Variants in THSD7B observed in about 807,000 individuals in gnomAD.
THSD7B encodes the protein thrombospondin type 1 domain containing 7B, also known as thrombospondin type-1 domain-containing protein 7B.
THSD7B carries 138 observed loss-of-function variants against 213.6 expected under a neutral mutation model. That is an observed-to-expected ratio of 0.65 (90% confidence interval 0.56 to 0.74). THSD7B has a LOEUF of 0.74. Among genes scored for constraint, THSD7B ranks in the 30% least tolerant of loss-of-function variants. The pLI is 0.00. For missense variants in THSD7B, 1,931 were observed against 1,991.5 expected (o/e 0.97, Z 0.58); for synonymous variants, 742 against 687.0 (o/e 1.08, Z -1.25).
At chr2:137,424,941 A>G (rs12992324) in intron 14 of THSD7B, among the ~76,000 whole-genome samples, 99,875 of 151,234 alleles carry the variant, frequency 0.66, 33,872 homozygotes, top group East Asian at 0.84. Flanking sequence ...GCATGGTGGC[A>G]GTCACCTGTA....
intron 15 of THSD7B, among the ~76,000 whole-genome samples, chr2:137,480,054 G>A (rs995638713): frequency 1.3e-5 from 2 of 152,198 alleles, no homozygotes; most frequent in East Asian, 1.9e-4. Context: ...GGCACCCAAC[G>A]AAGTTTGGCT....
At chr2:136,792,167 A>G (rs1235731102) in intron 1 of THSD7B, among the ~76,000 whole-genome samples, 1 of 152,010 alleles carries the variant, frequency 6.6e-6, no homozygotes, top group African/African-American at 2.4e-5. Context: ...AAATTCCTGG[A>G]TTCAATCCAA....
chr2:137,472,541 T>C (rs1244881224), intron 15 of THSD7B, among the ~76,000 whole-genome samples: 1 of 152,238 alleles, frequency 6.6e-6, no homozygotes, highest in Non-Finnish European at 1.5e-5. Flanking sequence ...ACGTCTTTGA[T>C]ATCTGACTTC....
intron 7 of THSD7B, among the ~76,000 whole-genome samples, chr2:137,218,417 ATCTT>A (rs1229495462): frequency 9.2e-5 from 14 of 152,256 alleles, no homozygotes; most frequent in African/African-American, 2.9e-4. Context: ...ATTTAAATAT[ATCTT>A]AAGTGAAAGT....
chr2:137,099,628 C>T (rs1284401625), intron 4 of THSD7B, among the ~76,000 whole-genome samples: 1 of 152,180 alleles, frequency 6.6e-6, no homozygotes, highest in Non-Finnish European at 1.5e-5. Flanking sequence ...TACGACCCCA[C>T]TGGGAGACAA....
chr2:137,392,647 G>T (rs1222551586), intron 12 of THSD7B, among the ~76,000 whole-genome samples: 2 of 152,000 alleles, frequency 1.3e-5, no homozygotes, highest in Non-Finnish European at 1.5e-5. Flanking sequence ...TAGAGAGAAA[G>T]TTAGTTTTTT....
At chr2:137,327,533 C>T (rs1684398918) in intron 12 of THSD7B, among the ~76,000 whole-genome samples, 3 of 152,012 alleles carry the variant, frequency 2.0e-5, no homozygotes, top group African/African-American at 7.3e-5. Context: ...TTCCCATTTA[C>T]TCTTTTCTTT....
chr2:137,070,772 C>A (rs992628605), intron 3 of THSD7B, among the ~76,000 whole-genome samples: 1 of 151,518 alleles, frequency 6.6e-6, no homozygotes, highest in Non-Finnish European at 1.5e-5. Flanking sequence ...TGCATGTGTT[C>A]TCATTGTTCA....
chr2:136,914,323 GA>G (rs1288985474), intron 2 of THSD7B, among the ~76,000 whole-genome samples: 3 of 152,324 alleles, frequency 2.0e-5, no homozygotes, highest in South Asian at 2.1e-4. Flanking sequence ...CTCATAGGCA[GA>G]AGTGACTTGT....
chr2:136,949,408 C>T (rs1279936219), intron 2 of THSD7B, among the ~76,000 whole-genome samples: 2 of 152,166 alleles, frequency 1.3e-5, no homozygotes, highest in African/African-American at 4.8e-5. Context: ...AAGAAAACTC[C>T]AGATGAAATG....
intron 5 of THSD7B, among the ~76,000 whole-genome samples, chr2:137,125,515 C>T (rs1688616100): frequency 6.6e-6 from 1 of 152,166 alleles, no homozygotes; most frequent in African/African-American, 2.4e-5. Flanking sequence ...AATTCTAGTT[C>T]TCTTGCTATT....
At chr2:137,361,258 A>G (rs959276193) in intron 12 of THSD7B, among the ~76,000 whole-genome samples, 1 of 152,176 alleles carries the variant, frequency 6.6e-6, no homozygotes, top group Non-Finnish European at 1.5e-5. Flanking sequence ...GGTAGATAAA[A>G]CCACAAAGAT....
chr2:136,789,208 G>A (rs1009856885), intron 1 of THSD7B, among the ~76,000 whole-genome samples: 1 of 151,898 alleles, frequency 6.6e-6, no homozygotes, highest in Non-Finnish European at 1.5e-5. Context: ...ACTGCTTCCA[G>A]GCCATTTCTT....
At chr2:137,063,007 T>G (rs901289538) in intron 3 of THSD7B, among the ~76,000 whole-genome samples, 2 of 151,902 alleles carry the variant, frequency 1.3e-5, no homozygotes, top group Non-Finnish European at 2.9e-5. Context: ...TATTAATGAC[T>G]GCTATATCTT....
At chr2:137,608,299 C>G (rs1332197525) in intron 17 of THSD7B, among the ~76,000 whole-genome samples, 2 of 151,970 alleles carry the variant, frequency 1.3e-5, no homozygotes, top group East Asian at 3.9e-4. Context: ...TCTCTAATTA[C>G]CATTGTCCAT....
At chr2:136,808,106 T>A (rs1379480470) in intron 1 of THSD7B, among the ~76,000 whole-genome samples, 1 of 152,222 alleles carries the variant, frequency 6.6e-6, no homozygotes, top group Non-Finnish European at 1.5e-5. Context: ...CCCACTCCAA[T>A]AGTGAGAAGC....
intron 12 of THSD7B, among the ~76,000 whole-genome samples, chr2:137,378,556 T>A (rs558786391): frequency 6.6e-6 from 1 of 152,244 alleles, no homozygotes; most frequent in Admixed American, 6.5e-5. Flanking sequence ...CTTGTTGTCA[T>A]GTAAACATCA....
At chr2:136,986,442 C>T (rs1409987100) in intron 2 of THSD7B, among the ~76,000 whole-genome samples, 2 of 152,296 alleles carry the variant, frequency 1.3e-5, no homozygotes, top group East Asian at 1.9e-4. Context: ...CTCCCTTTGC[C>T]TTCCACCATG....
chr2:137,503,754 C>T (rs919825618), intron 15 of THSD7B, among the ~76,000 whole-genome samples: 6 of 152,042 alleles, frequency 3.9e-5, no homozygotes, highest in South Asian at 4.1e-4. Context: ...GAGCCGGGCG[C>T]GGTAGCTCAC....
Sources: allele counts gnomAD v4.1 joint callset (sites outside exome capture counted in the v4.1 genomes callset), GRCh38; gene constraint gnomAD v4.1.1; transcripts MANE v1.5; gene names NCBI Gene and HGNC (gene_info 2026-07-23, HGNC 2026-07-21).